The following ADGRD1 variants were observed in gnomAD, a reference collection of about 807,000 sequenced individuals.
ADGRD1 encodes adhesion G protein-coupled receptor D1.
ADGRD1 carries 77 observed loss-of-function variants against 113.4 expected under a neutral mutation model. The observed-to-expected ratio is 0.68, with a 90% CI of 0.57 to 0.82. The LOEUF is 0.82. Ranked by LOEUF, ADGRD1 falls within the 40% of genes least tolerant of loss-of-function variation. The pLI is 0.00. For missense variants in ADGRD1, 1,036 were observed against 1,139.1 expected (o/e 0.91, Z 1.30); for synonymous variants, 474 against 475.0 (o/e 1.00, Z 0.03).
At chr12:131,085,112 A>G (rs2137215893) in intron 15 of ADGRD1, among the ~76,000 whole-genome samples, 1 of 152,354 alleles carries the variant, frequency 6.6e-6, no homozygotes, top group South Asian at 2.1e-4. Context: ...ACCAGCAGAT[A>G]AATTAGTCAC....
chr12:131,120,667 G>C (rs1353725398), intron 19 of ADGRD1, 180 bp from the exon 20 acceptor site: 2 of 675,462 alleles, frequency 3.0e-6, no homozygotes, highest in African/African-American at 3.5e-5. Context: ...TCCTTTCCAA[G>C]AATGAGACGT....
At position 130,966,408 on chromosome 12, in the gene ADGRD1, TC is replaced by T; in HGVS notation, c.104-54del. ...TGTGTGTGCTAAGCGGTTCTTACCCTCTGGTTCTTTCCTCTCTAATGATGAT... is the reference window on the plus strand; with the variant it reads ...TGTGTGTGCTAAGCGGTTCTTACCCTTGGTTCTTTCCTCTCTAATGATGAT... On this transcript the variant is annotated intron_variant, in intron 2 of 24. Transcript: ENST00000261654. The surrounding 1 kb of genome is among the most constrained non-coding windows in gnomAD (Gnocchi z 4.6). 8.7e-7 allele frequency: 1 copy of T among 1,147,782 alleles called. No homozygotes were observed. The allele number at this position is 1,147,782 out of a possible 1,614,324, so 71.1% of individuals were successfully genotyped here. A position where few individuals can be genotyped will look rare whatever the true frequency, so the allele number is the denominator to read the frequency against.
At chr12:131,128,964 C>T (rs1297094379) in intron 20 of ADGRD1, among the ~76,000 whole-genome samples, 3 of 132,714 alleles carry the variant, frequency 2.3e-5, no homozygotes, top group South Asian at 2.5e-4. Context: ...AGTGACAGGC[C>T]GGCCCTCCTG....
chr12:131,086,210 C>T (rs991069657), intron 15 of ADGRD1, among the ~76,000 whole-genome samples: 10 of 152,176 alleles, frequency 6.6e-5, no homozygotes, highest in Non-Finnish European at 1.5e-4. Flanking sequence ...CCCGCGTGTC[C>T]TGCGTGGTTT....
At position 130,966,925 on chromosome 12, in the gene ADGRD1, G is replaced by C. The variant is rs933617733; in HGVS notation, c.187+379G>C. On this transcript the variant is annotated intron_variant, in intron 3 of 24. Transcript: ENST00000261654. This position sits in a 1 kb window ranked among gnomAD's most constrained non-coding sequence, Gnocchi z 4.6. ...GTGAGCCACTGTGCCAGGCCACGAAGCATTTTACTAGAATTTTTATAGAGA... is the reference window on the plus strand; with the variant it reads ...GTGAGCCACTGTGCCAGGCCACGAACCATTTTACTAGAATTTTTATAGAGA... The C allele has an allele frequency of 9.1e-6, 4 of 440,688 alleles. No individual in the cohort carries two copies. Among genetic ancestry groups the C allele is most frequent in the African/African-American group, 8.0e-5 (4 of 50,008 alleles). The allele number at this position is 440,688 out of a possible 1,614,324, so 27.3% of individuals were successfully genotyped here.
At chr12:131,129,124 G>C (rs1274593526) in intron 20 of ADGRD1, among the ~76,000 whole-genome samples, 8 of 130,376 alleles carry the variant, frequency 6.1e-5, no homozygotes, top group Non-Finnish European at 6.5e-5. Flanking sequence ...GGCCGGCCCT[G>C]CTGTCTGGGT....
chr12:131,089,994 GA>G (rs1232736254), intron 15 of ADGRD1, among the ~76,000 whole-genome samples: 2 of 152,200 alleles, frequency 1.3e-5, no homozygotes, highest in African/African-American at 4.8e-5. Context: ...ACTTTCAGCT[GA>G]AAACTGTGTT....
rs544456929 is a variant in ADGRD1 at position 131,123,578 on chromosome 12, T to C, written c.2175+2665T>C. 6.6e-5 allele frequency among the ~76,000 whole-genome samples: 10 copies of C among 151,832 alleles called. No individual in the cohort carries two copies. In the South Asian group the frequency reaches 2.1e-3, roughly 32 times the overall value. ...GGCTCACGCCTGTAATCCCAGCACT[T>C]TGGGAGGCCAAGGCAGGCGGATCAT... On this transcript the variant is annotated intron_variant, in intron 20 of 24. Transcript: ENST00000261654.
intron 13 of ADGRD1, among the ~76,000 whole-genome samples, chr12:131,017,288 G>A (rs1391460249): frequency 8.9e-5 from 7 of 78,966 alleles, no homozygotes; most frequent in African/African-American, 2.0e-4. Context: ...CACACCCAGT[G>A]CACACAGTCC....
At chr12:131,036,338 C>T in intron 13 of ADGRD1, among the ~76,000 whole-genome samples, 1 of 151,412 alleles carries the variant, frequency 6.6e-6, no homozygotes, top group Admixed American at 6.6e-5. Context: ...AGGTCTCACT[C>T]ACTGCCCCAG....
intron 12 of ADGRD1, among the ~76,000 whole-genome samples, chr12:131,012,161 G>A (rs1192243870): frequency 1.3e-5 from 2 of 152,064 alleles, no homozygotes; most frequent in Non-Finnish European, 2.9e-5. Flanking sequence ...TATCTCTGTG[G>A]GACTAAAACT....
At chr12:131,012,790 G>A (rs1204568689) in intron 12 of ADGRD1, among the ~76,000 whole-genome samples, 4 of 152,204 alleles carry the variant, frequency 2.6e-5, no homozygotes, top group East Asian at 1.9e-4. Context: ...AGTGGGTGTC[G>A]AAACAGGGAC....
At chr12:130,999,122 A>G (rs1876004544) in intron 8 of ADGRD1, among the ~76,000 whole-genome samples, 1 of 152,214 alleles carries the variant, frequency 6.6e-6, no homozygotes, top group African/African-American at 2.4e-5. Context: ...TGTGGCCCAT[A>G]TTATGTTTCT....
intron 13 of ADGRD1, among the ~76,000 whole-genome samples, chr12:131,030,994 G>A (rs1410142347): frequency 6.6e-6 from 1 of 152,142 alleles, no homozygotes; most frequent in Non-Finnish European, 1.5e-5. Flanking sequence ...CCCACAGCCA[G>A]GGCCCCCACC....
At chr12:131,025,633 C>G (rs1879853830) in intron 13 of ADGRD1, 1 of 151,928 alleles carries the variant, frequency 6.6e-6, no homozygotes, top group Non-Finnish European at 1.5e-5. Context: ...ACTTCTACCT[C>G]CTGGGTTCAA....
intron 5 of ADGRD1, among the ~76,000 whole-genome samples, chr12:130,985,368 G>C (rs918646749): frequency 6.6e-6 from 1 of 152,172 alleles, no homozygotes; most frequent in Non-Finnish European, 1.5e-5. Flanking sequence ...TTGTAAGGAA[G>C]TCCAGCTTGT....
chr12:131,072,896 T>A (rs1885295996), intron 13 of ADGRD1, among the ~76,000 whole-genome samples: 1 of 152,204 alleles, frequency 6.6e-6, no homozygotes, highest in South Asian at 2.1e-4. Flanking sequence ...CCCAAGGCAC[T>A]GCTCACCTCT....
At chr12:131,066,806 G>A (rs149056684) in intron 13 of ADGRD1, among the ~76,000 whole-genome samples, 24 of 152,312 alleles carry the variant, frequency 1.6e-4, no homozygotes, top group Non-Finnish European at 3.1e-4. Flanking sequence ...GGCTGGCGGC[G>A]GGGGCACACC....
intron 13 of ADGRD1, among the ~76,000 whole-genome samples, chr12:131,074,889 G>A (rs1005394838): frequency 3.9e-5 from 6 of 152,184 alleles, no homozygotes; most frequent in Admixed American, 2.0e-4. Context: ...GGCTTGTTGC[G>A]GTGGTGGCTG....
Sources: allele counts gnomAD v4.1 joint callset (sites outside exome capture counted in the v4.1 genomes callset), GRCh38; gene constraint gnomAD v4.1.1; non-coding constraint Gnocchi (gnomAD v3.1); transcripts MANE v1.5; gene names NCBI Gene and HGNC (gene_info 2026-07-23, HGNC 2026-07-21).